Variants in DAB1 observed in about 807,000 individuals in gnomAD.
DAB1 encodes the protein disabled homolog 1.
A neutral mutation model predicts 64.6 loss-of-function variants in DAB1; 15 were observed. That is an observed-to-expected ratio of 0.23 (90% CI 0.16 to 0.36). DAB1 has a LOEUF of 0.36. Among genes scored for constraint, DAB1 ranks in the 10% least tolerant of loss-of-function variants. The pLI is 1.00. For synonymous variants in DAB1, 235 were observed against 251.9 expected, an observed-to-expected ratio of 0.93 and a Z score of 0.64; for missense variants, 596 against 706.7, an observed-to-expected ratio of 0.84 and a Z score of 1.78.
At chr1:57,913,653 A>G (rs1308582134) in intron 5 of DAB1, among the ~76,000 whole-genome samples, 1 of 152,244 alleles carries the variant, frequency 6.6e-6, no homozygotes, top group Non-Finnish European at 1.5e-5. Flanking sequence ...CAGAGTGAAC[A>G]GGCAACCTAC....
At chr1:57,449,898 T>C (rs1686287427) in intron 7 of DAB1, among the ~76,000 whole-genome samples, 1 of 152,210 alleles carries the variant, frequency 6.6e-6, no homozygotes, top group Admixed American at 6.5e-5. Flanking sequence ...TCTAGAATTG[T>C]TTAGAGCATT....
intron 7 of DAB1, among the ~76,000 whole-genome samples, chr1:57,575,073 A>C (rs993597100): frequency 2.6e-5 from 4 of 152,232 alleles, no homozygotes; most frequent in Non-Finnish European, 4.4e-5. Context: ...TCTCCCCAAT[A>C]TGATTACAAG....
intron 4 of DAB1, among the ~76,000 whole-genome samples, chr1:58,221,157 T>C (rs1354411329): frequency 6.6e-6 from 1 of 152,112 alleles, no homozygotes; most frequent in Admixed American, 6.6e-5. Context: ...CACATATTTC[T>C]TTTCTTTTTT....
chr1:57,342,581 C>A (rs570989622), intron 1 of DAB1, among the ~76,000 whole-genome samples: 1 of 152,304 alleles, frequency 6.6e-6, no homozygotes, highest in East Asian at 1.9e-4. Flanking sequence ...CTAATAAGTG[C>A]TCTTGTGTCC....
At chr1:57,392,820 G>A (rs796094942) in intron 1 of DAB1, among the ~76,000 whole-genome samples, 8 of 152,308 alleles carry the variant, frequency 5.3e-5, no homozygotes, top group African/African-American at 1.9e-4. Flanking sequence ...TGGGAAGATG[G>A]AGATGGGGAC....
At chr1:57,550,164 T>C (rs774248516) in intron 7 of DAB1, among the ~76,000 whole-genome samples, 9 of 152,144 alleles carry the variant, frequency 5.9e-5, no homozygotes, top group Non-Finnish European at 1.0e-4. Context: ...AGGATAATAG[T>C]ACCTTCCTTC....
chr1:57,295,435 G>A (rs950219199), intron 1 of DAB1, among the ~76,000 whole-genome samples: 4 of 152,096 alleles, frequency 2.6e-5, no homozygotes, highest in Admixed American at 6.6e-5. Flanking sequence ...TTTATGATTC[G>A]ATATCTTAGA....
intron 2 of DAB1, among the ~76,000 whole-genome samples, chr1:57,230,393 C>A (rs1218315535): frequency 7.0e-6 from 1 of 143,760 alleles, no homozygotes; most frequent in Non-Finnish European, 1.5e-5. Context: ...ACGTACTTAT[C>A]AGATTTTCAA....
intron 2 of DAB1, among the ~76,000 whole-genome samples, chr1:57,211,886 T>C (rs502350): frequency 0.4 from 60,384 of 152,104 alleles, 12,610 homozygotes; most frequent in Admixed American, 0.47. Flanking sequence ...GTGCATAAGT[T>C]GTGTGTAAAT....
chr1:58,489,156 C>T (rs1024462120), intron 3 of DAB1, among the ~76,000 whole-genome samples: 11 of 152,168 alleles, frequency 7.2e-5, no homozygotes, highest in East Asian at 1.9e-4. Flanking sequence ...TCGTGTCACC[C>T]GGGAAGTGCA....
At chr1:57,974,980 C>T (rs958604979) in intron 5 of DAB1, among the ~76,000 whole-genome samples, 1 of 152,102 alleles carries the variant, frequency 6.6e-6, no homozygotes, top group Non-Finnish European at 1.5e-5. Flanking sequence ...AACTCACAGC[C>T]TACAATAACT....
chr1:57,272,976 C>T (rs1671133739), intron 2 of DAB1, among the ~76,000 whole-genome samples: 1 of 152,068 alleles, frequency 6.6e-6, no homozygotes, highest in African/African-American at 2.4e-5. Flanking sequence ...GCTTTCTGTT[C>T]CCCCCCATTT....
intron 1 of DAB1, among the ~76,000 whole-genome samples, chr1:57,357,849 A>G (rs1471723544): frequency 6.6e-6 from 1 of 151,926 alleles, no homozygotes; most frequent in Non-Finnish European, 1.5e-5. Context: ...CATGGGGGTA[A>G]CCATCCCCAT....
chr1:57,461,166 A>C (rs972013724), intron 7 of DAB1, among the ~76,000 whole-genome samples: 2 of 152,140 alleles, frequency 1.3e-5, no homozygotes, highest in African/African-American at 4.8e-5. Flanking sequence ...CTGACTCTCC[A>C]TTTATCAAAG....
At chr1:57,335,647 T>C (rs2100810781) in intron 1 of DAB1, among the ~76,000 whole-genome samples, 1 of 152,310 alleles carries the variant, frequency 6.6e-6, no homozygotes, top group South Asian at 2.1e-4. Flanking sequence ...TAGTGCATAA[T>C]TCCTTGAAAT....
chr1:58,416,838 T>C (rs1644725941), intron 3 of DAB1, among the ~76,000 whole-genome samples: 1 of 152,016 alleles, frequency 6.6e-6, no homozygotes, highest in African/African-American at 2.4e-5. Context: ...ACCTCAAGAG[T>C]TTCTGTGGAA....
chr1:57,823,505 G>A (rs1322096179), downstream of DAB1, among the ~76,000 whole-genome samples: 1 of 151,994 alleles, frequency 6.6e-6, no homozygotes, highest in Non-Finnish European at 1.5e-5. Context: ...ATGCATCTGT[G>A]GAGTACAGGA....
chr1:57,489,647 T>A (rs1283626279), intron 7 of DAB1, among the ~76,000 whole-genome samples: 1 of 150,742 alleles, frequency 6.6e-6, no homozygotes, highest in African/African-American at 2.5e-5. Flanking sequence ...ACCCAGGGCC[T>A]ATCTTTTGCC....
chr1:57,501,880 T>G (rs2101318000), intron 7 of DAB1, among the ~76,000 whole-genome samples: 1 of 152,270 alleles, frequency 6.6e-6, no homozygotes, highest in South Asian at 2.1e-4. Flanking sequence ...ATAAATGATT[T>G]TTAAAGTACT....
Sources: gnomAD v4.1 joint callset for allele counts (sites outside exome capture counted in the v4.1 genomes callset) on GRCh38, gnomAD v4.1.1 for gene constraint, MANE v1.5 for transcripts, NCBI Gene and HGNC (gene_info 2026-07-23, HGNC 2026-07-21) for gene names.